DPYD: variants seen among roughly 807,000 people sequenced by gnomAD.
The protein encoded by DPYD is dihydropyrimidine dehydrogenase [NADP(+)].
Under a neutral mutation model 116.2 loss-of-function variants are expected in DPYD, and 109 were observed. That is an observed-to-expected ratio of 0.94 (90% CI 0.80 to 1.10). The LOEUF (loss-of-function observed/expected upper bound fraction) is 1.10. Among genes scored for constraint, DPYD ranks in the 50% least tolerant of loss-of-function variants. The pLI is 0.00. For missense variants in DPYD, 1,302 were observed against 1,254.5 expected, an observed-to-expected ratio of 1.04 and a Z score of -0.57; for synonymous variants, 440 against 432.0, an observed-to-expected ratio of 1.02 and a Z score of -0.23.
chr1:97,289,494 C>G, intron 18 of DPYD, among the ~76,000 whole-genome samples: 1 of 151,770 alleles, frequency 6.6e-6, no homozygotes, highest in Non-Finnish European at 1.5e-5. Context: ...CCACCATGAT[C>G]AAGTGGGCTT....
chr1:97,421,212 C>CA (rs1674561123), intron 14 of DPYD, among the ~76,000 whole-genome samples: 1 of 152,148 alleles, frequency 6.6e-6, no homozygotes, highest in South Asian at 2.1e-4. Flanking sequence ...TTAACTCTCA[C>CA]AACAACCTTA....
chr1:97,365,262 G>A (rs113573031), intron 16 of DPYD, among the ~76,000 whole-genome samples: 40 of 152,228 alleles, frequency 2.6e-4, no homozygotes, highest in African/African-American at 8.4e-4. Context: ...GTCAGATCAC[G>A]TAACTAGACC....
chr1:97,898,441 T>C (rs1673191399), intron 1 of DPYD, among the ~76,000 whole-genome samples: 1 of 151,934 alleles, frequency 6.6e-6, no homozygotes, highest in South Asian at 2.1e-4. Flanking sequence ...ATCTGCAGCC[T>C]ATAAACTCTC....
intron 19 of DPYD, among the ~76,000 whole-genome samples, chr1:97,207,608 C>T (rs1028994444): frequency 6.6e-6 from 1 of 152,092 alleles, no homozygotes; most frequent in South Asian, 2.1e-4. Context: ...TATAAAAGAT[C>T]TCATTTAACA....
intron 14 of DPYD, among the ~76,000 whole-genome samples, chr1:97,397,657 C>T (rs938877709): frequency 5.9e-5 from 9 of 151,996 alleles, no homozygotes; most frequent in African/African-American, 1.9e-4. Flanking sequence ...CAGTTAGTAA[C>T]ATGCATTCAA....
At chr1:97,286,538 C>T (rs1418736110) in intron 18 of DPYD, among the ~76,000 whole-genome samples, 7 of 152,204 alleles carry the variant, frequency 4.6e-5, no homozygotes, top group Non-Finnish European at 8.8e-5. Flanking sequence ...TCCATTCTCC[C>T]CGTCACTTTC....
chr1:97,393,247 T>C lies in DPYD; in HGVS notation c.1906-10786A>G, dbSNP rs189852560. On this transcript the variant is annotated intron_variant, in intron 14 of 22. Transcript: ENST00000370192. The stretch of plus-strand genomic sequence containing the variant: ...GAGACATGCAACTCTTCCTTTCACT[T>C]GAACACTTAGAGGCCATTGTTGAGT... 7.9e-5 allele frequency among the ~76,000 whole-genome samples: 12 copies of C among 152,114 alleles called. No homozygotes were observed. In the East Asian group the frequency reaches 2.3e-3, roughly 30 times the overall value.
At chr1:97,236,736 G>C (rs1661957154) in intron 18 of DPYD, among the ~76,000 whole-genome samples, 1 of 152,170 alleles carries the variant, frequency 6.6e-6, no homozygotes, top group East Asian at 1.9e-4. Flanking sequence ...CTATTGTAAA[G>C]TTCGGACTTT....
At chr1:97,720,643 G>T (rs1180992396) in intron 5 of DPYD, 4 of 1,271,706 alleles carry the variant, frequency 3.1e-6, no homozygotes, top group Non-Finnish European at 4.0e-6. Context: ...TATGGGAAGG[G>T]TCCCAAAATG....
intron 3 of DPYD, among the ~76,000 whole-genome samples, chr1:97,774,184 C>T (rs899742272): frequency 1.1e-4 from 17 of 152,270 alleles, no homozygotes; most frequent in Admixed American, 6.5e-4. Context: ...GATAAGAGAA[C>T]GTTTCCTGTT....
At chr1:97,356,403 T>C (rs1438762006) in intron 16 of DPYD, among the ~76,000 whole-genome samples, 1 of 152,214 alleles carries the variant, frequency 6.6e-6, no homozygotes, top group East Asian at 1.9e-4. Flanking sequence ...TGTTAATTGT[T>C]TCCTTTGCTG....
At chr1:97,554,091 T>G (rs1651515736) in intron 11 of DPYD, among the ~76,000 whole-genome samples, 1 of 152,112 alleles carries the variant, frequency 6.6e-6, no homozygotes, top group Non-Finnish European at 1.5e-5. Flanking sequence ...AAATGATTTT[T>G]TATACAGACT....
At chr1:97,509,692 T>C (rs1647628948) in intron 13 of DPYD, among the ~76,000 whole-genome samples, 1 of 151,936 alleles carries the variant, frequency 6.6e-6, no homozygotes, top group Non-Finnish European at 1.5e-5. Context: ...TGTTCTCTCC[T>C]AGATGGAAAA....
intron 14 of DPYD, among the ~76,000 whole-genome samples, chr1:97,397,316 G>GAT (rs561161348): frequency 5.5e-4 from 83 of 152,008 alleles, no homozygotes; most frequent in African/African-American, 1.9e-3. Context: ...ATGTATGACA[G>GAT]ATATATATAT....
At chr1:97,769,152 G>A (rs1383073718) in intron 3 of DPYD, among the ~76,000 whole-genome samples, 2 of 151,936 alleles carry the variant, frequency 1.3e-5, no homozygotes, top group African/African-American at 2.4e-5. Flanking sequence ...GAAATTGCTG[G>A]GTTTGCCTAG....
chr1:97,230,523 A>G (rs1304154600), intron 19 of DPYD, among the ~76,000 whole-genome samples: 1 of 152,200 alleles, frequency 6.6e-6, no homozygotes, highest in African/African-American at 2.4e-5. Flanking sequence ...CAAGAAAAAT[A>G]ATGAGTACTA....
intron 3 of DPYD, among the ~76,000 whole-genome samples, chr1:97,760,476 G>A (rs186011960): frequency 6.6e-6 from 1 of 152,158 alleles, no homozygotes; most frequent in Admixed American, 6.6e-5. Context: ...ATACAGTATA[G>A]CTATTTATAT....
intron 13 of DPYD, among the ~76,000 whole-genome samples, chr1:97,504,775 T>C (rs367892128): frequency 4.0e-5 from 6 of 151,656 alleles, no homozygotes; most frequent in Non-Finnish European, 7.4e-5. Flanking sequence ...ATGTATTACA[T>C]TGCAAAATAA....
At position 97,088,273 on chromosome 1, in the gene DPYD, C is replaced by T. The variant is rs187295440; in HGVS notation, c.2767-5803G>A. Among the ~76,000 whole-genome samples, 365 of 152,304 alleles carry T rather than the reference C, an allele frequency of 2.4e-3. 4 individuals carry two copies. Among genetic ancestry groups the T allele is most frequent in the African/African-American group, 8.4e-3 (351 of 41,550 alleles). On this transcript the variant is annotated intron_variant, in intron 21 of 22. Transcript: ENST00000370192. ...ACTTGCATTTCTAAGCTCAGACTTC[C>T]TTTCATTGGCCTAATAAACTCTAAG...
Sources: allele counts gnomAD v4.1 joint callset (sites outside exome capture counted in the v4.1 genomes callset), GRCh38; gene constraint gnomAD v4.1.1; transcripts MANE v1.5; gene names NCBI Gene and HGNC (gene_info 2026-07-23, HGNC 2026-07-21).